Variants in DLG2 observed in about 807,000 individuals in gnomAD.
DLG2 encodes the protein discs large MAGUK scaffold protein 2, also known as disks large homolog 2.
In DLG2, 45 loss-of-function variants were observed where a neutral mutation model predicts 132.5. The observed-to-expected ratio is 0.34, with a 90% CI of 0.27 to 0.44. The LOEUF is 0.44. Among genes scored for constraint, DLG2 ranks in the 20% least tolerant of loss-of-function variants. The pLI is 1.00. For missense variants in DLG2, 1,045 were observed against 1,196.9 expected (o/e 0.87, Z 1.87); for synonymous variants, 424 against 419.6 (o/e 1.01, Z -0.13).
At chr11:85,245,030 A>G (rs2076067269) in intron 4 of DLG2, among the ~76,000 whole-genome samples, 1 of 151,942 alleles carries the variant, frequency 6.6e-6, no homozygotes, top group South Asian at 2.1e-4. Flanking sequence ...TATGCTTGAA[A>G]AATTTACTTC....
rs1447227242 is a variant in DLG2, at chr11:85,244,898, T to C, written c.186+40322A>G. The stretch of plus-strand genomic sequence containing the variant: ...TGATCATGGGACAATTTCTCATTTA[T>C]CACAAGAAACTTTAGTAAAAGGTAC... On this transcript the variant is annotated intron_variant, in intron 4 of 27. Transcript: ENST00000376104. Among the ~76,000 whole-genome samples the C allele has an allele frequency of 2.0e-5, 3 of 152,014 alleles. No homozygotes were observed. The East Asian group carries it at 5.8e-4, about 29-fold the overall frequency.
intron 4 of DLG2, among the ~76,000 whole-genome samples, chr11:85,198,856 C>T (rs2152546274): frequency 6.6e-6 from 1 of 152,246 alleles, no homozygotes; most frequent in Admixed American, 6.5e-5. Flanking sequence ...TCCAGTGGAA[C>T]TTTTCATGCT....
At chr11:84,562,434 T>C (rs1190904048) in intron 6 of DLG2, among the ~76,000 whole-genome samples, 2 of 152,214 alleles carry the variant, frequency 1.3e-5, no homozygotes, top group Non-Finnish European at 2.9e-5. Flanking sequence ...TGAAGGCTTC[T>C]GGGTTTGCCT....
intron 7 of DLG2, among the ~76,000 whole-genome samples, chr11:84,470,171 T>C (rs1478022959): frequency 6.6e-6 from 1 of 151,728 alleles, no homozygotes; most frequent in African/African-American, 2.4e-5. Flanking sequence ...TACATGACTG[T>C]ATAAAGCACA....
chr11:83,833,365 G>A (rs541923682), intron 17 of DLG2, among the ~76,000 whole-genome samples: 165 of 152,270 alleles, frequency 1.1e-3, no homozygotes, highest in African/African-American at 3.9e-3. Context: ...CTCAACCCGG[G>A]AGGCAGAGGT....
intron 3 of DLG2, among the ~76,000 whole-genome samples, chr11:85,424,502 G>T (rs2090564526): frequency 6.6e-6 from 1 of 152,152 alleles, no homozygotes; most frequent in Non-Finnish European, 1.5e-5. Context: ...CTGAAACCCA[G>T]CCTACTGATA....
intron 6 of DLG2, among the ~76,000 whole-genome samples, chr11:84,933,243 A>G (rs546002535): frequency 7.9e-5 from 12 of 152,266 alleles, no homozygotes; most frequent in African/African-American, 2.9e-4. Flanking sequence ...GTTTTGTACC[A>G]GTACCATCCT....
chr11:84,995,037 C>G (rs931814976), intron 6 of DLG2, among the ~76,000 whole-genome samples: 3 of 152,142 alleles, frequency 2.0e-5, no homozygotes, highest in Admixed American at 6.6e-5. Flanking sequence ...GCTGAAAGAC[C>G]TGTGGTACCA....
chr11:84,591,997 G>A (rs2099544481), intron 6 of DLG2, among the ~76,000 whole-genome samples: 1 of 152,210 alleles, frequency 6.6e-6, no homozygotes, highest in East Asian at 1.9e-4. Flanking sequence ...GGGACCATAG[G>A]CATGAGCCAT....
intron 7 of DLG2, among the ~76,000 whole-genome samples, chr11:84,292,167 G>T (rs1174969238): frequency 2.6e-5 from 4 of 152,178 alleles, no homozygotes; most frequent in Non-Finnish European, 2.9e-5. Flanking sequence ...TGTCACTGAA[G>T]CTGGATTTGC....
intron 6 of DLG2, among the ~76,000 whole-genome samples, chr11:84,941,213 T>G (rs2049375885): frequency 6.6e-6 from 1 of 152,230 alleles, no homozygotes; most frequent in Non-Finnish European, 1.5e-5. Flanking sequence ...ATTCTGTATC[T>G]TTTGTGTTTT....
At chr11:83,772,556 GAGAA>G (rs898106442) in intron 18 of DLG2, among the ~76,000 whole-genome samples, 6 of 146,294 alleles carry the variant, frequency 4.1e-5, no homozygotes, top group African/African-American at 1.4e-4. Flanking sequence ...AAGAAAGAAA[GAGAA>G]AGAAAGAAAC....
chr11:84,074,117 G>T (rs2096792517), intron 10 of DLG2, among the ~76,000 whole-genome samples: 1 of 152,138 alleles, frequency 6.6e-6, no homozygotes, highest in African/African-American at 2.4e-5. Context: ...TGAGATACTT[G>T]TATTACTTAA....
intron 11 of DLG2, among the ~76,000 whole-genome samples, chr11:84,006,157 T>C (rs1281518587): frequency 6.6e-6 from 1 of 151,712 alleles, no homozygotes; most frequent in Non-Finnish European, 1.5e-5. Flanking sequence ...TAGAAAAAAA[T>C]AAAATGTCAT....
intron 6 of DLG2, among the ~76,000 whole-genome samples, chr11:84,576,092 A>C (rs2154528438): frequency 6.6e-6 from 1 of 152,288 alleles, no homozygotes; most frequent in Non-Finnish European, 1.5e-5. Flanking sequence ...GGTCTACTCT[A>C]GTCACTCTAT....
At chr11:84,327,881 A>G (rs954542589) in intron 7 of DLG2, among the ~76,000 whole-genome samples, 4 of 152,234 alleles carry the variant, frequency 2.6e-5, no homozygotes, top group African/African-American at 9.6e-5. Flanking sequence ...TGAATGAGGC[A>G]TAAATATGCT....
intron 6 of DLG2, among the ~76,000 whole-genome samples, chr11:84,727,582 T>A (rs1423765825): frequency 6.6e-6 from 1 of 152,192 alleles, no homozygotes; most frequent in Non-Finnish European, 1.5e-5. Context: ...TTGCAGGCTC[T>A]TTTTTGGTTC....
intron 12 of DLG2, among the ~76,000 whole-genome samples, chr11:83,969,411 A>G (rs889244927): frequency 1.3e-5 from 2 of 152,200 alleles, no homozygotes; most frequent in Non-Finnish European, 2.9e-5. Flanking sequence ...AGTATACTGC[A>G]TCATCCTAAT....
chr11:84,977,634 A>C (rs1339921295), intron 6 of DLG2, among the ~76,000 whole-genome samples: 3 of 152,290 alleles, frequency 2.0e-5, no homozygotes, highest in South Asian at 2.1e-4. Flanking sequence ...CCCTTTTCTC[A>C]TGCACATATG....
Sources: allele counts gnomAD v4.1 joint callset (sites outside exome capture counted in the v4.1 genomes callset), GRCh38; gene constraint gnomAD v4.1.1; transcripts MANE v1.5; gene names NCBI Gene and HGNC (gene_info 2026-07-23, HGNC 2026-07-21).